The following DNER variants were observed in gnomAD, a reference collection of about 807,000 sequenced individuals.
DNER encodes the protein delta/notch like EGF repeat containing.
Under a neutral mutation model 78.2 loss-of-function variants are expected in DNER, and 33 were observed. The ratio of observed to expected loss-of-function variants is 0.42; its 90% confidence interval spans 0.32 to 0.56. The LOEUF (loss-of-function observed/expected upper bound fraction) is 0.56, where lower values mean the gene tolerates loss of function less well. Among genes scored for constraint, DNER ranks in the 20% least tolerant of loss-of-function variants. The pLI is 0.11. For synonymous variants in DNER, 417 were observed against 384.8 expected, an observed-to-expected ratio of 1.08 and a Z score of -0.98; for missense variants, 918 against 975.3, an observed-to-expected ratio of 0.94 and a Z score of 0.78.
intron 4 of DNER, among the ~76,000 whole-genome samples, chr2:229,573,241 T>C (rs1203416738): frequency 1.3e-5 from 2 of 152,222 alleles, no homozygotes; most frequent in Admixed American, 6.5e-5. Context: ...GACAACCATG[T>C]GAGGATTGCT....
chr2:229,653,062 G>A (rs1698848347), intron 1 of DNER, among the ~76,000 whole-genome samples: 1 of 152,212 alleles, frequency 6.6e-6, no homozygotes, highest in African/African-American at 2.4e-5. Context: ...ATCTCAGTGG[G>A]CACAGCAGTG....
chr2:229,506,856 G>A (rs1289386237), intron 6 of DNER, among the ~76,000 whole-genome samples: 1 of 152,154 alleles, frequency 6.6e-6, no homozygotes, highest in Non-Finnish European at 1.5e-5. Flanking sequence ...GATGTCAACT[G>A]AAAGTCAAAG....
At chr2:229,563,796 C>T (rs1436741357) in intron 4 of DNER, among the ~76,000 whole-genome samples, 2 of 149,254 alleles carry the variant, frequency 1.3e-5, no homozygotes, top group Admixed American at 6.7e-5. Flanking sequence ...ATCATCACCC[C>T]ATCACCATCA....
At chr2:229,533,761 G>A (rs1211187883) in intron 5 of DNER, among the ~76,000 whole-genome samples, 2 of 152,122 alleles carry the variant, frequency 1.3e-5, no homozygotes, top group African/African-American at 4.8e-5. Flanking sequence ...TGGCTATTTG[G>A]CAGATATTTT....
intron 11 of DNER, among the ~76,000 whole-genome samples, chr2:229,387,891 G>GTGTGGTTTT (rs1240360263): frequency 8.8e-5 from 5 of 57,132 alleles, no homozygotes; most frequent in Admixed American, 1.7e-4. Context: ...GTGTGTGTGT[G>GTGTGGTTTT]TTTTTTAATT....
intron 1 of DNER, among the ~76,000 whole-genome samples, chr2:229,699,789 T>C (rs1207018839): frequency 6.6e-6 from 1 of 152,216 alleles, no homozygotes; most frequent in East Asian, 1.9e-4. Context: ...TTATACAGTA[T>C]GGTAACAGTA....
chr2:229,529,293 T>C (rs533829704), intron 5 of DNER, among the ~76,000 whole-genome samples: 1 of 152,202 alleles, frequency 6.6e-6, no homozygotes, highest in South Asian at 2.1e-4. Context: ...AATTCAAGCT[T>C]GATGATAAGT....
At chr2:229,607,425 A>G (rs1031287185) in intron 1 of DNER, among the ~76,000 whole-genome samples, 4 of 152,212 alleles carry the variant, frequency 2.6e-5, no homozygotes, top group Admixed American at 1.3e-4. Context: ...TAACTTGTTC[A>G]CGGTCCTTCA....
chr2:229,371,709 T>C (rs1038499715), intron 11 of DNER, among the ~76,000 whole-genome samples: 1 of 152,220 alleles, frequency 6.6e-6, no homozygotes, highest in Non-Finnish European at 1.5e-5. Flanking sequence ...CTCCAGTCAA[T>C]TTACATATTG....
chr2:229,686,519 A>T (rs1219589927), intron 1 of DNER, among the ~76,000 whole-genome samples: 1 of 152,110 alleles, frequency 6.6e-6, no homozygotes, highest in Non-Finnish European at 1.5e-5. Context: ...AACCCCAGAG[A>T]CTTTATGGGC....
At chr2:229,509,680 A>T (rs1695824243) in intron 6 of DNER, among the ~76,000 whole-genome samples, 1 of 152,132 alleles carries the variant, frequency 6.6e-6, no homozygotes, top group Admixed American at 6.6e-5. Context: ...CGGGCATGGT[A>T]GTGGGTGCCT....
chr2:229,528,292 C>T (rs866830458), intron 5 of DNER, among the ~76,000 whole-genome samples: 5 of 152,194 alleles, frequency 3.3e-5, no homozygotes, highest in Admixed American at 2.0e-4. Context: ...TGACTGTTGA[C>T]GGAGGCAACT....
chr2:229,702,874 G>A (rs996619014), intron 1 of DNER, among the ~76,000 whole-genome samples: 5 of 133,824 alleles, frequency 3.7e-5, no homozygotes, highest in Non-Finnish European at 6.1e-5. Flanking sequence ...CTGAGACCGT[G>A]CCACTGCACT....
intron 5 of DNER, among the ~76,000 whole-genome samples, chr2:229,541,247 G>T (rs960830800): frequency 1.3e-5 from 2 of 152,144 alleles, no homozygotes; most frequent in African/African-American, 4.8e-5. Context: ...CCTGGAATAT[G>T]ACTTTTTGCC....
At chr2:229,439,575 G>A (rs1303865460) in intron 8 of DNER, among the ~76,000 whole-genome samples, 1 of 152,244 alleles carries the variant, frequency 6.6e-6, no homozygotes, top group Non-Finnish European at 1.5e-5. Flanking sequence ...GGCAAGGCAT[G>A]CAGGATTTCA....
At chr2:229,588,328 T>C (rs1697537180) in intron 3 of DNER, 66 bp downstream of exon 3, 5 of 1,485,818 alleles carry the variant, frequency 3.4e-6, no homozygotes, top group African/African-American at 2.8e-5. Context: ...GGTCCGCGGA[T>C]GGACACAACC....
At chr2:229,527,962 C>G (rs1215028912) in intron 5 of DNER, among the ~76,000 whole-genome samples, 1 of 152,176 alleles carries the variant, frequency 6.6e-6, no homozygotes, top group Non-Finnish European at 1.5e-5. Context: ...GCAAAGGGCA[C>G]ATTTCTGTGG....
chr2:229,489,246 C>T (rs1695343140), intron 6 of DNER, among the ~76,000 whole-genome samples: 1 of 152,176 alleles, frequency 6.6e-6, no homozygotes, highest in Non-Finnish European at 1.5e-5. Context: ...CAGCTTGAAT[C>T]AGGGCATTGG....
intron 3 of DNER, among the ~76,000 whole-genome samples, chr2:229,586,426 C>CCCCA (rs1264103189): frequency 1.7e-5 from 2 of 115,528 alleles, no homozygotes; most frequent in African/African-American, 6.6e-5. Context: ...CCCCAACACC[C>CCCCA]CCCACCCACC....
Sources: gnomAD v4.1 joint callset for allele counts (sites outside exome capture counted in the v4.1 genomes callset) on GRCh38, gnomAD v4.1.1 for gene constraint, MANE v1.5 for transcripts, NCBI Gene and HGNC (gene_info 2026-07-23, HGNC 2026-07-21) for gene names.